The following CTNNA3 variants were observed in gnomAD, a reference collection of about 807,000 sequenced individuals.
CTNNA3 encodes the protein catenin alpha 3.
In CTNNA3, 76 loss-of-function variants were observed where a neutral mutation model predicts 95.7. The ratio of observed to expected loss-of-function variants is 0.79; its 90% CI spans 0.66 to 0.96. The LOEUF (loss-of-function observed/expected upper bound fraction) is 0.96, where lower values mean the gene tolerates loss of function less well. Among genes scored for constraint, CTNNA3 ranks in the 40% least tolerant of loss-of-function variants. CTNNA3 has a pLI of 0.00. For missense variants in CTNNA3, 1,191 were observed against 1,089.8 expected (o/e 1.09, Z -1.31); for synonymous variants, 431 against 374.4 (o/e 1.15, Z -1.74).
At chr10:67,276,552 T>C (rs2132431203) in intron 5 of CTNNA3, among the ~76,000 whole-genome samples, 1 of 152,272 alleles carries the variant, frequency 6.6e-6, no homozygotes. Flanking sequence ...ATATTATGCA[T>C]CCATTGTATT....
intron 11 of CTNNA3, among the ~76,000 whole-genome samples, chr10:66,481,626 C>T (rs1589311082): frequency 6.8e-6 from 1 of 147,612 alleles, no homozygotes; most frequent in Non-Finnish European, 1.5e-5. Flanking sequence ...CGCCTGCCAC[C>T]ACGCCCGGCT....
intron 9 of CTNNA3, among the ~76,000 whole-genome samples, chr10:66,705,358 G>C (rs1262367154): frequency 2.6e-5 from 4 of 151,980 alleles, no homozygotes; most frequent in Admixed American, 1.3e-4. Flanking sequence ...TCAGGATAGT[G>C]TTAGCCTCAG....
At chr10:67,486,055 A>C (rs1455547094) in intron 5 of CTNNA3, among the ~76,000 whole-genome samples, 1 of 152,222 alleles carries the variant, frequency 6.6e-6, no homozygotes, top group Non-Finnish European at 1.5e-5. Context: ...ATTTTAAAAG[A>C]TAAGTTATTG....
chr10:66,434,521 T>C (rs1360052118), intron 11 of CTNNA3, among the ~76,000 whole-genome samples: 2 of 152,324 alleles, frequency 1.3e-5, no homozygotes, highest in East Asian at 3.9e-4. Flanking sequence ...CTGAAGTTGC[T>C]TATCAGCCTA....
At chr10:66,678,436 A>T (rs1846943440) in intron 9 of CTNNA3, among the ~76,000 whole-genome samples, 1 of 152,198 alleles carries the variant, frequency 6.6e-6, no homozygotes, top group Non-Finnish European at 1.5e-5. Context: ...TCCCTGTCAC[A>T]TACACACACA....
chr10:66,750,369 A>G (rs1449888282), intron 9 of CTNNA3, among the ~76,000 whole-genome samples: 1 of 152,098 alleles, frequency 6.6e-6, no homozygotes, highest in African/African-American at 2.4e-5. Context: ...TAAGTCTATG[A>G]CCCATTTTGA....
intron 13 of CTNNA3, among the ~76,000 whole-genome samples, chr10:66,175,153 G>A (rs1031826549): frequency 1.3e-5 from 2 of 151,438 alleles, no homozygotes; most frequent in East Asian, 1.9e-4. Flanking sequence ...CTGCTATGTC[G>A]GCCCCACAGA....
At chr10:66,280,717 T>C in intron 12 of CTNNA3, 96 bp from the exon 13 acceptor site, 2 of 838,326 alleles carry the variant, frequency 2.4e-6, no homozygotes, top group Non-Finnish European at 3.6e-6. Flanking sequence ...TTTAAACAAA[T>C]ATTTGATTAA....
At chr10:66,957,154 TATA>T (rs1848834850) in intron 7 of CTNNA3, among the ~76,000 whole-genome samples, 1 of 152,114 alleles carries the variant, frequency 6.6e-6, no homozygotes, top group South Asian at 2.1e-4. Context: ...AAGTCTTTAG[TATA>T]ATGTTTTCTT....
intron 13 of CTNNA3, among the ~76,000 whole-genome samples, chr10:66,206,326 G>A (rs1235643960): frequency 2.0e-5 from 3 of 151,852 alleles, no homozygotes; most frequent in Non-Finnish European, 4.4e-5. Context: ...ACCTTTCAAA[G>A]ACTGCCTTAT....
intron 7 of CTNNA3, among the ~76,000 whole-genome samples, chr10:66,960,591 CAG>C (rs1218738367): frequency 7.2e-5 from 11 of 152,070 alleles, no homozygotes; most frequent in Non-Finnish European, 8.8e-5. Flanking sequence ...GAGAGAAAAA[CAG>C]AAGACATTTG....
At chr10:66,774,206 A>G (rs1840204176) in intron 8 of CTNNA3, among the ~76,000 whole-genome samples, 1 of 152,232 alleles carries the variant, frequency 6.6e-6, no homozygotes, top group African/African-American at 2.4e-5. Flanking sequence ...GAGAGCTCAT[A>G]GAGACAACTT....
chr10:67,317,976 G>A lies in CTNNA3; in HGVS notation c.580-98106C>T, dbSNP rs544498375. 2.0e-3 allele frequency among the ~76,000 whole-genome samples: 306 copies of A among 150,920 alleles called. 16 individuals carry two copies. The South Asian group carries it at 0.064, about 31-fold the overall frequency. ...CTTTGTTTGCATATAATCATAATGG[G>A]GGCAAAAGAGGGATGGCTTAACAGG... On this transcript the variant is annotated intron_variant, in intron 5 of 17. Coordinates refer to ENST00000433211, the MANE Select transcript of CTNNA3 (RefSeq NM_013266.4).
chr10:67,669,212 G>A (rs962634631), intron 1 of CTNNA3, among the ~76,000 whole-genome samples: 6 of 152,122 alleles, frequency 3.9e-5, no homozygotes, highest in African/African-American at 7.2e-5. Context: ...GTGCAAGCTC[G>A]GACTCTGACA....
chr10:66,759,643 C>T lies in CTNNA3; in HGVS notation c.1281+6621G>A, dbSNP rs923186047. Among the ~76,000 whole-genome samples, 64 of 152,196 alleles carry T rather than the reference C, an allele frequency of 4.2e-4. 4 individuals carry two copies. The highest frequency in any genetic ancestry group is 4.4e-5 in the Non-Finnish European group (3 of 68,034). ...ATTAAATTAATGAATAAAGACACTTCTGCTCTCAACTTGCTCATTATCTAC... is the reference window on the plus strand; with the variant it reads ...ATTAAATTAATGAATAAAGACACTTTTGCTCTCAACTTGCTCATTATCTAC... On this transcript the variant is annotated intron_variant, in intron 9 of 17. Transcript: ENST00000433211.
At position 67,196,204 on chromosome 10, in the gene CTNNA3, T is replaced by C. The variant is rs143500970; in HGVS notation, c.844-15684A>G. Among the ~76,000 whole-genome samples the C allele has an allele frequency of 1.6e-3, 238 of 152,226 alleles. 3 individuals carry two copies. Among genetic ancestry groups the C allele is most frequent in the African/African-American group, 5.5e-3 (229 of 41,560 alleles). ...TATATTTCCTGTTTTAATGCATTTCTACTTAATCTAAAGAATAGAAGCTTT... is the reference window on the plus strand; with the variant it reads ...TATATTTCCTGTTTTAATGCATTTCCACTTAATCTAAAGAATAGAAGCTTT... On this transcript the variant is annotated intron_variant, in intron 6 of 17. Transcript: ENST00000433211.
chr10:66,281,661 T>C (rs1051802627), intron 12 of CTNNA3, among the ~76,000 whole-genome samples: 2 of 151,920 alleles, frequency 1.3e-5, no homozygotes, highest in Non-Finnish European at 2.9e-5. Flanking sequence ...ACCTGGAAGA[T>C]AGAAATATTT....
intron 1 of CTNNA3, among the ~76,000 whole-genome samples, chr10:67,730,320 A>ATT (rs35741997): frequency 1.3e-5 from 2 of 149,712 alleles, no homozygotes; most frequent in African/African-American, 2.5e-5. Flanking sequence ...TTCCTTGGGC[A>ATT]TTTTTTTTTT....
chr10:67,599,893 T>C (rs1181502469), intron 3 of CTNNA3, among the ~76,000 whole-genome samples: 1 of 152,100 alleles, frequency 6.6e-6, no homozygotes, highest in Admixed American at 6.5e-5. Flanking sequence ...AAAATTTCTA[T>C]GAGGTTCAAG....
Sources: gnomAD v4.1 joint callset for allele counts (sites outside exome capture counted in the v4.1 genomes callset) on GRCh38, gnomAD v4.1.1 for gene constraint, MANE v1.5 for transcripts, NCBI Gene and HGNC (gene_info 2026-07-23, HGNC 2026-07-21) for gene names.